Variants in ALPK2 observed in about 807,000 individuals in gnomAD.
The protein encoded by ALPK2 is alpha kinase 2.
In ALPK2, 127 loss-of-function variants were observed where a neutral mutation model predicts 163.1. That is an observed-to-expected ratio of 0.78 (90% confidence interval 0.67 to 0.90). ALPK2 has a LOEUF of 0.90. ALPK2 is among the 40% of genes least tolerant of loss of function. ALPK2 has a pLI of 0.00. For missense variants in ALPK2, 2,360 were observed against 2,589.6 expected, an observed-to-expected ratio of 0.91 and a Z score of 1.92; for synonymous variants, 953 against 959.1, an observed-to-expected ratio of 0.99 and a Z score of 0.12.
At chr18:58,618,453 C>G (rs1046410016) in intron 1 of ALPK2, among the ~76,000 whole-genome samples, 11 of 152,206 alleles carry the variant, frequency 7.2e-5, no homozygotes, top group African/African-American at 2.7e-4. Context: ...TCCCTAGGCT[C>G]AAACCTCAGC....
At chr18:58,614,770 A>T (rs2052155984) in intron 1 of ALPK2, among the ~76,000 whole-genome samples, 1 of 151,994 alleles carries the variant, frequency 6.6e-6, no homozygotes, top group Admixed American at 6.6e-5. Context: ...TACACAATTT[A>T]CTCATTTAAG....
intron 4 of ALPK2, among the ~76,000 whole-genome samples, chr18:58,564,361 AT>A (rs1172916794): frequency 6.6e-6 from 1 of 151,984 alleles, no homozygotes; most frequent in East Asian, 1.9e-4. Context: ...ACCTCAGGTG[AT>A]TCGCCCACCT....
intron 3 of ALPK2, among the ~76,000 whole-genome samples, chr18:58,606,346 C>A (rs562641141): frequency 6.6e-6 from 1 of 152,316 alleles, no homozygotes; most frequent in East Asian, 1.9e-4. Flanking sequence ...TCCCAAAGTG[C>A]TGAGATTGCA....
intron 12 of ALPK2, among the ~76,000 whole-genome samples, chr18:58,485,787 G>C (rs941654741): frequency 4.9e-5 from 4 of 82,300 alleles, no homozygotes; most frequent in African/African-American, 1.8e-4. Flanking sequence ...ACCTGCCACT[G>C]GGGGGGGACC....
chr18:58,547,158 G>A (rs956739469), intron 4 of ALPK2, among the ~76,000 whole-genome samples: 1 of 152,274 alleles, frequency 6.6e-6, no homozygotes, highest in East Asian at 1.9e-4. Flanking sequence ...CTTCCCAACA[G>A]CTTTGGTGTT....
intron 3 of ALPK2, among the ~76,000 whole-genome samples, chr18:58,592,380 C>T (rs764033531): frequency 1.1e-4 from 16 of 152,166 alleles, no homozygotes; most frequent in Non-Finnish European, 2.2e-4. Context: ...CAGGAGAGGT[C>T]ACAGGGGCCT....
chr18:58,543,778 T>C (rs1473383853), intron 4 of ALPK2, among the ~76,000 whole-genome samples: 2 of 152,204 alleles, frequency 1.3e-5, no homozygotes, highest in Non-Finnish European at 2.9e-5. Flanking sequence ...TCAATGATGT[T>C]TGGGGATGAG....
At chr18:58,488,790 T>C (rs1476091560) in intron 12 of ALPK2, among the ~76,000 whole-genome samples, 1 of 151,856 alleles carries the variant, frequency 6.6e-6, no homozygotes, top group African/African-American at 2.4e-5. Context: ...GTGTGTGATG[T>C]GTGTGTGTAA....
chr18:58,578,172 T>C (rs2051931814), intron 4 of ALPK2: 2 of 152,232 alleles, frequency 1.3e-5, no homozygotes, highest in Admixed American at 1.3e-4. Context: ...CAGCTTTTTT[T>C]CTCTTAGCCT....
Position 58,497,571 on chromosome 18 carries a change from G to A in ALPK2, c.6296+478C>T, listed in dbSNP as rs147655164. ...TAATCACAGCTCTGCCAGAGACATT[G>A]CCTCCTATGATTATCATCATGGGGG... is the stretch of plus-strand genomic sequence containing the variant. On this transcript the variant is annotated intron_variant, in intron 12 of 12. Transcript: ENST00000361673. Among the ~76,000 whole-genome samples, 169 of 152,288 alleles carry A rather than the reference G, an allele frequency of 1.1e-3. 2 individuals carry two copies. In the East Asian group the frequency reaches 0.03, roughly 27 times the overall value.
At chr18:58,520,452 A>AAAG (rs1602198460) in intron 8 of ALPK2, among the ~76,000 whole-genome samples, 2 of 150,920 alleles carry the variant, frequency 1.3e-5, no homozygotes, top group East Asian at 3.9e-4. Context: ...AAAAAAAAAA[A>AAAG]AAGAATCAGG....
intron 4 of ALPK2, among the ~76,000 whole-genome samples, chr18:58,544,829 C>T (rs78388889): frequency 0.019 from 2,916 of 152,292 alleles, 102 homozygotes; most frequent in African/African-American, 0.065. Context: ...AACAGTACCG[C>T]CAATCCCCTT....
At chr18:58,611,929 G>C in intron 1 of ALPK2, 112 bp from the exon 2 acceptor site, 1 of 644,476 alleles carries the variant, frequency 1.6e-6, no homozygotes, top group Non-Finnish European at 2.6e-6. Context: ...GCACGCTGGA[G>C]GGTGGGCAGA....
intron 11 of ALPK2, among the ~76,000 whole-genome samples, chr18:58,499,264 C>CT (rs988329582): frequency 1.3e-5 from 2 of 152,136 alleles, no homozygotes; most frequent in Admixed American, 6.6e-5. Context: ...ATATGGAACC[C>CT]TTTTTTGCAT....
At chr18:58,539,992 A>G (rs1373859647) in intron 4 of ALPK2, among the ~76,000 whole-genome samples, 2 of 152,238 alleles carry the variant, frequency 1.3e-5, no homozygotes, top group East Asian at 3.8e-4. Context: ...AATTTAATAT[A>G]AACTCCATGA....
intron 10 of ALPK2, among the ~76,000 whole-genome samples, chr18:58,504,722 G>T (rs7234964): frequency 0.5 from 76,633 of 151,962 alleles, 20,302 homozygotes; most frequent in East Asian, 0.74. Context: ...GGTGCTAAGC[G>T]CTAGGTGGGA....
chr18:58,546,864 A>G (rs1221520363), intron 4 of ALPK2, among the ~76,000 whole-genome samples: 2 of 152,216 alleles, frequency 1.3e-5, no homozygotes, highest in Admixed American at 6.5e-5. Context: ...AGATGGTGCT[A>G]TGAAGCCCCA....
intron 3 of ALPK2, chr18:58,580,905 C>G (rs2051955787): frequency 5.2e-6 from 1 of 191,906 alleles, no homozygotes; most frequent in African/African-American, 2.3e-5. Context: ...TTGCCCACCC[C>G]TTTCTTGGAA....
chr18:58,571,975 CAAAAAAA>C (rs35927788), intron 4 of ALPK2, among the ~76,000 whole-genome samples: 1 of 66,640 alleles, frequency 1.5e-5, no homozygotes, highest in African/African-American at 6.6e-5. Flanking sequence ...GACTCCATCT[CAAAAAAA>C]AAAAAAAAAA....
Sources: gnomAD v4.1 joint callset for allele counts (sites outside exome capture counted in the v4.1 genomes callset) on GRCh38, gnomAD v4.1.1 for gene constraint, MANE v1.5 for transcripts, NCBI Gene and HGNC (gene_info 2026-07-23, HGNC 2026-07-21) for gene names.